The following UGT1A6 variants were observed in gnomAD, a reference collection of about 807,000 sequenced individuals.
UGT1A6 encodes the protein UDP-glucuronosyltransferase 1A6.
Under a neutral mutation model 44.4 loss-of-function variants are expected in UGT1A6, and 32 were observed. The observed-to-expected ratio is 0.72, with a 90% CI of 0.54 to 0.97. The LOEUF (loss-of-function observed/expected upper bound fraction) is 0.97, where lower values mean the gene tolerates loss of function less well. Ranked by LOEUF, UGT1A6 falls within the 50% of genes least tolerant of loss-of-function variation. The probability of loss-of-function intolerance (pLI) is 0.00; values close to 1 mark genes in which losing one functional copy is unlikely to be tolerated. For synonymous variants in UGT1A6, 238 were observed against 248.5 expected, an observed-to-expected ratio of 0.96 and a Z score of 0.40; for missense variants, 685 against 661.9, an observed-to-expected ratio of 1.03 and a Z score of -0.38.
chr2:233,740,858 A>G (rs1691488527), intron 1 of UGT1A6: 1 of 151,872 alleles, frequency 6.6e-6, no homozygotes, highest in Non-Finnish European at 1.5e-5. Flanking sequence ...CAATTCTAAA[A>G]ATTCTTTAAA....
chr2:233,741,330 A>G lies in UGT1A6; in HGVS notation c.862-25704A>G, dbSNP rs546865407. On this transcript the variant is annotated intron_variant, in intron 1 of 4. Coordinates refer to ENST00000305139, the MANE Select transcript of UGT1A6 (RefSeq NM_001072.4). ...CACACCAACTCATTCTACTCTACCC[A>G]GAGTAGTGATTTCCAACACACAAAA... is the stretch of plus-strand genomic sequence containing the variant. Among the ~76,000 whole-genome samples the G allele has an allele frequency of 1.8e-4, 27 of 151,932 alleles. 1 individual carries two copies. Among genetic ancestry groups the G allele is most frequent in the African/African-American group, 5.6e-4 (23 of 41,194 alleles).
chr2:233,729,686 G>A (rs1336517970), intron 1 of UGT1A6: 2 of 1,613,912 alleles, frequency 1.2e-6, no homozygotes, highest in Admixed American at 1.7e-5. Context: ...GGCACACAGT[G>A]TCCAAACCCT....
intron 1 of UGT1A6, chr2:233,719,739 A>C (rs758565863): frequency 2.9e-5 from 46 of 1,613,226 alleles, no homozygotes; most frequent in Middle Eastern, 1.8e-4. Flanking sequence ...ACACTTTTTA[A>C]AAAATGTATT....
intron 1 of UGT1A6, among the ~76,000 whole-genome samples, chr2:233,762,012 G>T (rs1697937713): frequency 6.6e-6 from 1 of 152,134 alleles, no homozygotes; most frequent in Non-Finnish European, 1.5e-5. Context: ...CCTCCAATGT[G>T]ATTTGTATTT....
chr2:233,692,785 T>C (rs1043155018), upstream of UGT1A6: 2 of 1,351,836 alleles, frequency 1.5e-6, no homozygotes, highest in African/African-American at 1.5e-5. Flanking sequence ...GAAGCTCAGG[T>C]GAAAGCTGAC....
At chr2:233,700,791 A>C (rs1037537460) in intron 1 of UGT1A6, among the ~76,000 whole-genome samples, 1 of 152,118 alleles carries the variant, frequency 6.6e-6, no homozygotes, top group Non-Finnish European at 1.5e-5. Context: ...TTACATATGT[A>C]TACATGTGCC....
chr2:233,759,542 G>A (rs751549220), intron 1 of UGT1A6, among the ~76,000 whole-genome samples: 1 of 152,024 alleles, frequency 6.6e-6, no homozygotes, highest in Non-Finnish European at 1.5e-5. Flanking sequence ...GTTCACATGC[G>A]CTCCAGTGAA....
intron 1 of UGT1A6, chr2:233,742,966 C>G: frequency 4.5e-6 from 1 of 219,782 alleles, no homozygotes; most frequent in Non-Finnish European, 9.2e-6. Context: ...TTGTCTGCCT[C>G]AGGCTTAAGT....
chr2:233,728,926 A>AAAAACTG (rs1334222423), intron 1 of UGT1A6, among the ~76,000 whole-genome samples: 4,919 of 152,266 alleles, frequency 0.032, 259 homozygotes, highest in African/African-American at 0.11. Flanking sequence ...GATAGTCATG[A>AAAAACTG]TCGGTCTTTT....
At chr2:233,748,947 C>G (rs900612588) in intron 1 of UGT1A6, among the ~76,000 whole-genome samples, 1 of 151,662 alleles carries the variant, frequency 6.6e-6, no homozygotes, top group Non-Finnish European at 1.5e-5. Context: ...CCCACCCTAT[C>G]CCACTCCAAG....
chr2:233,761,878 A>G (rs1435325744), intron 1 of UGT1A6, among the ~76,000 whole-genome samples: 1 of 152,196 alleles, frequency 6.6e-6, no homozygotes, highest in African/African-American at 2.4e-5. Flanking sequence ...GAGAGCGTTC[A>G]TTCACTTATC....
chr2:233,724,959 G>A (rs563380533), intron 1 of UGT1A6, among the ~76,000 whole-genome samples: 3 of 142,486 alleles, frequency 2.1e-5, no homozygotes, highest in African/African-American at 8.2e-5. Context: ...CACCTCGGGA[G>A]GCCGAGGTTG....
chr2:233,747,129 A>G, intron 1 of UGT1A6: 1 of 1,518,564 alleles, frequency 6.6e-7, no homozygotes, highest in Non-Finnish European at 8.9e-7. Flanking sequence ...TAAGTGGCTC[A>G]GTGACAAGGT....
At chr2:233,753,385 T>G (rs1695193775) in intron 1 of UGT1A6, 2 of 152,290 alleles carry the variant, frequency 1.3e-5, no homozygotes, top group South Asian at 4.1e-4. Flanking sequence ...GATTGGACTC[T>G]GAGGGTACTA....
rs552702165 is a variant in UGT1A6, at chr2:233,713,903, C to G, written c.861+20038C>G. The G allele has an allele frequency of 2.5e-6, 4 of 1,612,846 alleles. No homozygotes were observed. The Admixed American group carries it at 6.7e-5, about 27-fold the overall frequency. On this transcript the variant is annotated intron_variant, in intron 1 of 4. Coordinates refer to ENST00000305139, the MANE Select transcript of UGT1A6 (RefSeq NM_001072.4). ...TCCAATCAATGTTCCAGGCAAAACA[C>G]TTTTTAAAAAATGTATTTACTTACA...
At chr2:233,754,945 G>C (rs1342760083) in intron 1 of UGT1A6, 3 of 1,327,414 alleles carry the variant, frequency 2.3e-6, no homozygotes, top group Non-Finnish European at 3.0e-6. Flanking sequence ...AAGGAGAATG[G>C]GTCCCGGCCG....
chr2:233,760,310 G>T (rs768521253), intron 1 of UGT1A6: 3 of 1,613,706 alleles, frequency 1.9e-6, no homozygotes, highest in Non-Finnish European at 2.5e-6. Context: ...TCCCAGGGCG[G>T]ACGCCCACTT....
intron 4 of UGT1A6, 143 bp downstream of exon 4, chr2:233,768,582 C>CTTT (rs139595073): frequency 4.4e-4 from 456 of 1,032,814 alleles, no homozygotes; most frequent in African/African-American, 3.3e-3. Flanking sequence ...TTTATTTCTT[C>CTTT]TTTTTTTTTT....
chr2:233,767,224 C>G (rs1699341321), intron 2 of UGT1A6, 59 bp downstream of exon 2: 2 of 1,610,498 alleles, frequency 1.2e-6, no homozygotes, highest in Non-Finnish European at 1.7e-6. Context: ...TAATCCCAGA[C>G]TTCCAGCTTC....
Sources: gnomAD v4.1 joint callset for allele counts (sites outside exome capture counted in the v4.1 genomes callset) on GRCh38, gnomAD v4.1.1 for gene constraint, MANE v1.5 for transcripts, NCBI Gene and HGNC (gene_info 2026-07-23, HGNC 2026-07-21) for gene names.